The following SH3KBP1 variants were observed in gnomAD, a reference collection of about 807,000 sequenced individuals.
The protein encoded by SH3KBP1 is SH3 domain-containing kinase-binding protein 1.
In SH3KBP1, 8 loss-of-function variants were observed where a neutral mutation model predicts 50.1. The ratio of observed to expected loss-of-function variants is 0.16; its 90% CI spans 0.09 to 0.29. The LOEUF (loss-of-function observed/expected upper bound fraction) is 0.29. Among genes scored for constraint, SH3KBP1 ranks in the 10% least tolerant of loss-of-function variants. The probability of loss-of-function intolerance (pLI) is 1.00; values close to 1 mark genes in which losing one functional copy is unlikely to be tolerated. For synonymous variants in SH3KBP1, 227 were observed against 218.6 expected (o/e 1.04, Z -0.34); for missense variants, 377 against 535.2 (o/e 0.70, Z 2.92).
At chrX:19,666,085 C>A (rs2062590029) in intron 6 of SH3KBP1, among the ~76,000 whole-genome samples, 1 of 102,337 alleles carries the variant, frequency 9.8e-6, no homozygotes. Context: ...TAAAGGCTAC[C>A]AACTGAATCA....
rs936840141 is a variant in SH3KBP1, at chrX:19,588,728, G to T, written c.1213C>A (p.Pro405Thr). 8.3e-7 allele frequency: 1 copy of T among 1,200,745 alleles called. No individual in the cohort carries two copies. Among genetic ancestry groups the T allele is most frequent in the African/African-American group, 1.8e-5 (1 of 56,249 alleles). The change falls in exon 12 of 18, where the codon CCA becomes ACA. Residue 405 changes from proline to threonine, a missense_variant. Physicochemically the swap from Pro to Thr is conservative, Grantham distance 38 (BLOSUM62 -1). This residue lies in a region of SH3KBP1 where 257 missense variants were observed against 374.2 expected (regional missense o/e 0.69). Transcript: ENST00000397821. ...VPAIPPKKPR[P>T]PKTNSLSRPG... is the part of the protein sequence containing the mutation. ...CTGCTGAGAGAATTGGTCTTAGGTG[G>T]CCGAGGCTTTTTTGGCGGTATGGCA...
intron 1 of SH3KBP1, among the ~76,000 whole-genome samples, chrX:19,839,785 G>C (rs754298597): frequency 2.7e-5 from 3 of 111,871 alleles, no homozygotes; most frequent in Non-Finnish European, 5.6e-5. Context: ...TCTTCCCTGT[G>C]AGCCCCTGAA....
At chrX:19,605,897 T>C (rs185874551) in intron 9 of SH3KBP1, among the ~76,000 whole-genome samples, 1 of 112,253 alleles carries the variant, frequency 8.9e-6, no homozygotes, top group African/African-American at 3.2e-5. Context: ...ATTTTCTAAG[T>C]TGCTAGATTT....
intron 2 of SH3KBP1, among the ~76,000 whole-genome samples, chrX:19,781,557 G>A (rs1375521798): frequency 1.9e-5 from 2 of 107,861 alleles, no homozygotes; most frequent in African/African-American, 6.8e-5. Flanking sequence ...GGTCGAGACT[G>A]CAGTGAGCCA....
At chrX:19,626,575 T>G (rs752377009) in intron 8 of SH3KBP1, among the ~76,000 whole-genome samples, 28 of 110,976 alleles carry the variant, frequency 2.5e-4, no homozygotes, top group African/African-American at 9.2e-4. Flanking sequence ...CCCCTCTTTT[T>G]TGTGGTTTGG....
chrX:19,714,777 T>A (rs2063863934), intron 3 of SH3KBP1, among the ~76,000 whole-genome samples: 1 of 112,361 alleles, frequency 8.9e-6, no homozygotes, highest in Admixed American at 9.4e-5. Context: ...TCTGCATTTT[T>A]AAAAGGCTAT....
At chrX:19,683,046 G>A (rs1466556194) in intron 6 of SH3KBP1, among the ~76,000 whole-genome samples, 1 of 111,830 alleles carries the variant, frequency 8.9e-6, no homozygotes, top group East Asian at 2.8e-4. Flanking sequence ...TAACAAACAT[G>A]CCTTAAGCAC....
At chrX:19,537,648 A>G (rs2064757995) in intron 17 of SH3KBP1, 69 bp downstream of exon 17, 1 of 872,401 alleles carries the variant, frequency 1.1e-6, no homozygotes, top group African/African-American at 2.0e-5. Flanking sequence ...TTTTTGAAAT[A>G]AAAGCCCTCA....
At chrX:19,713,940 G>A (rs2063839852) in intron 3 of SH3KBP1, among the ~76,000 whole-genome samples, 1 of 111,899 alleles carries the variant, frequency 8.9e-6, no homozygotes, top group Admixed American at 9.5e-5. Context: ...ATCAACTTAA[G>A]TGTCCATCAA....
rs185637371 is a variant in SH3KBP1 at position 19,764,073 on chromosome X, A to T, written c.163-17632T>A. On this transcript the variant is annotated intron_variant, in intron 2 of 17. Coordinates refer to ENST00000397821, the MANE Select transcript of SH3KBP1 (RefSeq NM_031892.3). ...CATTTTTTCTAATAATTTTATGGCA[A>T]AAGTTAATGCACATTATTAGAAGGC... Among the ~76,000 whole-genome samples, 30 of 109,058 alleles carry T rather than the reference A, an allele frequency of 2.8e-4. 1 individual carries two copies. The highest frequency in any genetic ancestry group is 4.6e-3 in the Middle Eastern group (1 of 216). 94.7% of individuals were successfully genotyped at this position (109,058 alleles called of 115,157 possible). A position where few individuals can be genotyped will look rare whatever the true frequency, so the allele number is the denominator to read the frequency against.
chrX:19,866,782 G>A (rs1012529497), intron 1 of SH3KBP1, among the ~76,000 whole-genome samples: 2 of 111,299 alleles, frequency 1.8e-5, no homozygotes, highest in Non-Finnish European at 3.8e-5. Flanking sequence ...AGCAGAAGTG[G>A]TCTAGGCACA....
chrX:19,844,349 T>C (rs1023022901), intron 1 of SH3KBP1, among the ~76,000 whole-genome samples: 5 of 111,711 alleles, frequency 4.5e-5, no homozygotes, highest in Non-Finnish European at 9.4e-5. Flanking sequence ...GGAGTGTCCT[T>C]ACAAAGTACT....
rs965363152 is a variant in SH3KBP1 at position 19,819,679 on chromosome X, T to C, written c.162+16446A>G. Among the ~76,000 whole-genome samples the C allele has an allele frequency of 9.0e-5, 10 of 111,413 alleles. No homozygotes were observed. The South Asian group carries it at 1.5e-3, about 17-fold the overall frequency. On this transcript the variant is annotated intron_variant, in intron 2 of 17. Transcript: ENST00000397821. ...GGTCTTTAAAGAACTGGCTTTTTCA[T>C]TGATATTCTCTGTTGTTTTTCTGTT...
rs1186250614 is a variant in SH3KBP1 at position 19,866,008 on chromosome X, CA to C, written c.4+21298del. Among the ~76,000 whole-genome samples the C allele has an allele frequency of 2.7e-5, 3 of 111,812 alleles. No individual in the cohort carries two copies. In the East Asian group the frequency reaches 8.4e-4, roughly 31 times the overall value. ...AGGGAGGAAGAAAAGAATCCTGAAG[CA>C]AAACACCAGGGACTGGTTCAAGCTA... On this transcript the variant is annotated intron_variant, in intron 1 of 17. Coordinates refer to ENST00000397821, the MANE Select transcript of SH3KBP1 (RefSeq NM_031892.3).
At chrX:19,715,114 A>G (rs902758077) in intron 3 of SH3KBP1, among the ~76,000 whole-genome samples, 3 of 110,532 alleles carry the variant, frequency 2.7e-5, no homozygotes, top group Non-Finnish European at 5.7e-5. Flanking sequence ...TCTCTATAAA[A>G]AATGAAAAAT....
chrX:19,803,839 C>T (rs1018490245), intron 2 of SH3KBP1, among the ~76,000 whole-genome samples: 1 of 112,204 alleles, frequency 8.9e-6, no homozygotes, highest in African/African-American at 3.2e-5. Context: ...TCCCCTGGCC[C>T]TTCTTTCTAA....
chrX:19,568,205 T>C (rs2065907035), intron 13 of SH3KBP1, among the ~76,000 whole-genome samples: 1 of 111,706 alleles, frequency 9.0e-6, no homozygotes, highest in Non-Finnish European at 1.9e-5. Context: ...CACAATAGCA[T>C]CTCTATAGTC....
intron 1 of SH3KBP1, among the ~76,000 whole-genome samples, chrX:19,849,428 C>T (rs139037955): frequency 0.013 from 1,490 of 110,653 alleles, 38 homozygotes; most frequent in African/African-American, 0.047. Flanking sequence ...GTAGCTCACA[C>T]CTGTAATCCC....
intron 14 of SH3KBP1, 36 bp downstream of exon 14, chrX:19,549,938 G>A: frequency 5.0e-6 from 5 of 990,305 alleles, no homozygotes; most frequent in Non-Finnish European, 7.1e-6. Flanking sequence ...CCGCTGTAGA[G>A]AAGTAAGGGA....
Sources: allele counts gnomAD v4.1 joint callset (sites outside exome capture counted in the v4.1 genomes callset), GRCh38; gene constraint gnomAD v4.1.1; regional missense constraint gnomAD v4.1.1; transcripts MANE v1.5; gene names NCBI Gene and HGNC (gene_info 2026-07-23, HGNC 2026-07-21).